TMEM30A: variants seen among roughly 807,000 people sequenced by gnomAD.
The protein encoded by TMEM30A is cell division cycle 50 P4-ATPase accessory subunit A, also known as cell cycle control protein 50A.
A neutral mutation model predicts 38.2 loss-of-function variants in TMEM30A; 24 were observed. That is an observed-to-expected ratio of 0.63 (90% CI 0.46 to 0.88). The LOEUF (loss-of-function observed/expected upper bound fraction) is 0.88. Ranked by LOEUF, TMEM30A falls within the 40% of genes least tolerant of loss-of-function variation. TMEM30A has a pLI of 0.00. For synonymous variants in TMEM30A, 145 were observed against 161.6 expected, an observed-to-expected ratio of 0.90 and a Z score of 0.78; for missense variants, 370 against 458.6, an observed-to-expected ratio of 0.81 and a Z score of 1.77.
chr6:75,274,568 AAAAG>A (rs1294299450), intron 1 of TMEM30A, among the ~76,000 whole-genome samples: 1 of 152,226 alleles, frequency 6.6e-6, no homozygotes, highest in African/African-American at 2.4e-5. Flanking sequence ...ACAGATTCAC[AAAAG>A]AAAGAGAAGG....
chr6:75,276,519 T>C (rs1161019542), intron 1 of TMEM30A, among the ~76,000 whole-genome samples: 2 of 151,702 alleles, frequency 1.3e-5, no homozygotes, highest in Admixed American at 6.6e-5. Flanking sequence ...TGCTGGAGAA[T>C]CTGGTGTCAG....
Position 75,256,306 on chromosome 6 carries a change from T to C in TMEM30A, c.893-11A>G, listed in dbSNP as rs561146729. 1.2e-5 allele frequency: 19 copies of C among 1,579,232 alleles called. No individual in the cohort carries two copies. The African/African-American group carries it at 2.0e-4, about 17-fold the overall frequency. On this transcript the variant is annotated splice_polypyrimidine_tract_variant and intron_variant, in intron 6 of 6. Transcript: ENST00000230461. ...AATGTACAGGGTAATCTGAAGAGGG[T>C]ATAGGAAGATTTTTCCATCTCTGGT...
In TMEM30A at chr6:75,254,972, T is replaced by G. The variant is rs414624; in HGVS notation, c.*1130A>C. ...ATACTCCAAAATCCCCATAATTTAATTAGGAAATTTATAGAACATCTTTTT... is the reference window on the plus strand; with the variant it reads ...ATACTCCAAAATCCCCATAATTTAAGTAGGAAATTTATAGAACATCTTTTT... On this transcript the variant is annotated 3_prime_UTR_variant, in exon 7 of 7. Transcript: ENST00000230461. 6.6e-6 allele frequency: 1 copy of G among 152,462 alleles called. No individual in the cohort carries two copies. The highest frequency in any genetic ancestry group is 6.6e-5 in the Admixed American group (1 of 15,244). 9.4% of individuals were successfully genotyped at this position (152,462 alleles called of 1,614,324 possible).
intron 1 of TMEM30A, among the ~76,000 whole-genome samples, chr6:75,280,433 A>C (rs1379177821): frequency 1.3e-5 from 2 of 152,136 alleles, no homozygotes; most frequent in Admixed American, 1.3e-4. Context: ...ACAAATTTGC[A>C]ACAATTTTTA....
chr6:75,265,153 C>A lies in TMEM30A; in HGVS notation c.453+78G>T. The A allele has an allele frequency of 5.6e-6, 5 of 892,410 alleles. No individual in the cohort carries two copies. In the South Asian group the frequency reaches 8.4e-5, roughly 15 times the overall value. The allele number at this position is 892,410 out of a possible 1,614,324, so 55.3% of individuals were successfully genotyped here. On this transcript the variant is annotated intron_variant, in intron 3 of 6. Transcript: ENST00000230461. ...TAAATGACAACACTTTAATTTCATC[C>A]TAACAATTCTAACTGAACAGTTACT...
At chr6:75,270,154 A>G (rs564995596) in intron 1 of TMEM30A, among the ~76,000 whole-genome samples, 1 of 152,298 alleles carries the variant, frequency 6.6e-6, no homozygotes, top group East Asian at 1.9e-4. Flanking sequence ...CAAAGGAGCT[A>G]TACCATTTTG....
intron 1 of TMEM30A, among the ~76,000 whole-genome samples, chr6:75,274,239 T>C (rs1275350269): frequency 4.6e-5 from 7 of 152,142 alleles, no homozygotes; most frequent in Non-Finnish European, 8.8e-5. Flanking sequence ...CCAGAAACTA[T>C]AGTAGTTTGC....
intron 1 of TMEM30A, among the ~76,000 whole-genome samples, chr6:75,276,786 CTTCATGTGATAT>C (rs1772266815): frequency 2.0e-5 from 3 of 152,176 alleles, no homozygotes; most frequent in African/African-American, 4.8e-5. Context: ...TCTTATAGTG[CTTCATGTGATAT>C]TCCTCCTAAT....
At chr6:75,268,112 T>C (rs1772099096) in intron 1 of TMEM30A, among the ~76,000 whole-genome samples, 1 of 152,220 alleles carries the variant, frequency 6.6e-6, no homozygotes, top group Non-Finnish European at 1.5e-5. Context: ...CTTAAATCTT[T>C]CAATCTTAAA....
At chr6:75,281,560 T>C (rs1479226699) in intron 1 of TMEM30A, among the ~76,000 whole-genome samples, 1 of 152,012 alleles carries the variant, frequency 6.6e-6, no homozygotes, top group East Asian at 1.9e-4. Flanking sequence ...TGAAAATATC[T>C]TTTTTTTCCA....
chr6:75,264,014 TACA>T (rs1390626464), intron 3 of TMEM30A, among the ~76,000 whole-genome samples: 1 of 152,218 alleles, frequency 6.6e-6, no homozygotes, highest in African/African-American at 2.4e-5. Flanking sequence ...TATCTCACAG[TACA>T]ACATCTTCTC....
chr6:75,259,058 TA>T (rs1771919158), intron 5 of TMEM30A, 72 bp from the exon 6 acceptor site: 16 of 1,284,416 alleles, frequency 1.2e-5, no homozygotes, highest in Non-Finnish European at 1.6e-5. Context: ...GAGAAACGAA[TA>T]AATTTGGATA....
intron 6 of TMEM30A, 152 bp from the exon 7 acceptor site, chr6:75,256,447 C>T (rs1771868877): frequency 9.4e-6 from 6 of 640,906 alleles, no homozygotes; most frequent in South Asian, 2.1e-5. Context: ...CACACACACA[C>T]ACACAAAGTA....
intron 1 of TMEM30A, chr6:75,284,108 A>C (rs1189182882): frequency 1.4e-5 from 6 of 416,218 alleles, no homozygotes; most frequent in Non-Finnish European, 2.7e-5. Flanking sequence ...CCGCCCACTG[A>C]AGAAGCGTTC....
intron 2 of TMEM30A, among the ~76,000 whole-genome samples, chr6:75,265,991 C>T (rs189598247): frequency 6.6e-6 from 1 of 152,108 alleles, no homozygotes; most frequent in Admixed American, 6.5e-5. Flanking sequence ...TGATAATAAG[C>T]CACTTTATAA....
rs1216547749 is a variant in TMEM30A at position 75,258,972 on chromosome 6, C to T, written c.700G>A (p.Val234Met). The change falls in exon 6 of 7, where the codon GTG (valine) becomes ATG (methionine). Residue 234 changes from valine (V) to methionine (M), a missense_variant. Coordinates refer to ENST00000230461, the MANE Select transcript of TMEM30A (RefSeq NM_018247.4). The stretch of plus-strand genomic sequence containing the variant: ...ATGTAAACTGGTTTAAGCCAGTTCA[C>T]AGGCTTTGTTGTACCTTAAAAGGAG... ...EERFKGTTKP[V>M]NWLKPVYMLD... The T allele has an allele frequency of 1.2e-6, 2 of 1,613,314 alleles. No individual in the cohort carries two copies. Among genetic ancestry groups the T allele is most frequent in the Middle Eastern group, 1.7e-4 (1 of 5,750 alleles).
At chr6:75,269,190 AG>A (rs1159511644) in intron 1 of TMEM30A, among the ~76,000 whole-genome samples, 2 of 152,164 alleles carry the variant, frequency 1.3e-5, no homozygotes, top group African/African-American at 4.8e-5. Context: ...AGTTCACACT[AG>A]GGTTCACACT....
In TMEM30A at chr6:75,253,475, A is replaced by G. The variant is rs978989217; in HGVS notation, c.*2627T>C. 2 of 152,586 alleles carry G rather than the reference A, an allele frequency of 1.3e-5. No homozygotes were observed. Among genetic ancestry groups the G allele is most frequent in the African/African-American group, 4.8e-5 (2 of 41,444 alleles). The allele number at this position is 152,586 out of a possible 1,614,324, so 9.5% of individuals were successfully genotyped here. A position where few individuals can be genotyped will look rare whatever the true frequency, so the allele number is the denominator to read the frequency against. On this transcript the variant is annotated 3_prime_UTR_variant, in exon 7 of 7. Transcript: ENST00000230461. ...AATACAAATATGAATTAATTTAACA[A>G]TGAATTACATTTTATCCCATCCAGG...
chr6:75,284,653 C>T lies in TMEM30A; in HGVS notation c.-15G>A. On this transcript the variant is annotated 5_prime_UTR_variant, in exon 1 of 7. Transcript: ENST00000230461. ...TTCATCGCCATCGATCCCTGGGGCG[C>T]CGCTCCGCGATTTGCAGGTGGACCA... The T allele has an allele frequency of 6.2e-7, 1 of 1,611,004 alleles. No individual in the cohort carries two copies.
Sources: allele counts gnomAD v4.1 joint callset (sites outside exome capture counted in the v4.1 genomes callset), GRCh38; gene constraint gnomAD v4.1.1; transcripts MANE v1.5; gene names NCBI Gene and HGNC (gene_info 2026-07-23, HGNC 2026-07-21).